PCDHA12: variants seen among roughly 807,000 people sequenced by gnomAD.
PCDHA12 encodes protocadherin alpha-12.
Under a neutral mutation model 60.0 loss-of-function variants are expected in PCDHA12, and 44 were observed. The observed-to-expected ratio is 0.73, with a 90% confidence interval of 0.58 to 0.94. The LOEUF is 0.94. Among genes scored for constraint, PCDHA12 ranks in the 40% least tolerant of loss-of-function variants. The pLI, the probability that PCDHA12 is intolerant of heterozygous loss-of-function variation, is 0.00. For missense variants in PCDHA12, 1,276 were observed against 1,239.7 expected, an observed-to-expected ratio of 1.03 and a Z score of -0.44; for synonymous variants, 569 against 553.0, an observed-to-expected ratio of 1.03 and a Z score of -0.40.
At chr5:140,884,066 G>C in intron 1 of PCDHA12, 3 of 1,613,514 alleles carry the variant, frequency 1.9e-6, no homozygotes, top group Non-Finnish European at 2.5e-6. Flanking sequence ...GGTGGACGCC[G>C]ATTCGGGCTA....
chr5:140,938,406 T>A (rs1283027205), intron 1 of PCDHA12, among the ~76,000 whole-genome samples: 1 of 152,240 alleles, frequency 6.6e-6, no homozygotes, highest in African/African-American at 2.4e-5. Context: ...ATTGTTTGAT[T>A]GGGTTTATTT....
intron 1 of PCDHA12, chr5:140,927,653 G>T: frequency 6.2e-7 from 1 of 1,614,190 alleles, no homozygotes; most frequent in Non-Finnish European, 8.5e-7. Context: ...GTGTTATTCC[G>T]AGTTCAAGCC....
chr5:140,932,088 T>G (rs2088018403), intron 1 of PCDHA12, among the ~76,000 whole-genome samples: 1 of 151,932 alleles, frequency 6.6e-6, no homozygotes, highest in Non-Finnish European at 1.5e-5. Context: ...CAGGAAAACA[T>G]GGTTTTTATC....
Position 140,877,708 on chromosome 5 carries a change from G to A in PCDHA12, c.2236G>A (p.Gly746Arg). 12 of 1,614,072 alleles carry A rather than the reference G, an allele frequency of 7.4e-6. No individual in the cohort carries two copies. The highest frequency in any genetic ancestry group is 1.0e-5 in the Non-Finnish European group (12 of 1,180,010). Reference protein sequence around the residue: ...KPTLVCSSAVGSWSYSQQRRQ... With the variant: ...KPTLVCSSAVRSWSYSQQRRQ... ...CACGCTGGTGTGCTCCAGCGCCGTG[G>A]GGAGTTGGTCTTACTCGCAGCAGAG... The change falls in exon 1 of 4, where the codon GGG becomes AGG. Residue 746 changes from glycine (G) to arginine (R), a missense_variant. Coordinates refer to ENST00000398631, the MANE Select transcript of PCDHA12 (RefSeq NM_018903.4).
chr5:140,919,821 T>C (rs944662452), intron 1 of PCDHA12, among the ~76,000 whole-genome samples: 1 of 152,230 alleles, frequency 6.6e-6, no homozygotes, highest in Non-Finnish European at 1.5e-5. Flanking sequence ...CAAAAATATA[T>C]GTCCACATAG....
At chr5:140,913,348 C>A (rs1233529642) in intron 1 of PCDHA12, among the ~76,000 whole-genome samples, 1 of 152,080 alleles carries the variant, frequency 6.6e-6, no homozygotes, top group East Asian at 1.9e-4. Context: ...TCCATTTCCT[C>A]TAGATTTTTA....
chr5:140,963,175 T>C (rs1408160891), intron 1 of PCDHA12, among the ~76,000 whole-genome samples: 1 of 152,046 alleles, frequency 6.6e-6, no homozygotes, highest in East Asian at 1.9e-4. Context: ...ATCTTACAGA[T>C]ATGCTGTAGA....
chr5:140,882,178 C>A (rs2058992068), intron 1 of PCDHA12: 1 of 1,517,822 alleles, frequency 6.6e-7, no homozygotes, highest in Non-Finnish European at 8.8e-7. Flanking sequence ...TCCTTCCGCA[C>A]TAGGAAGCCA....
intron 1 of PCDHA12, among the ~76,000 whole-genome samples, chr5:140,912,823 G>C (rs2076078264): frequency 6.6e-6 from 1 of 152,090 alleles, no homozygotes; most frequent in Non-Finnish European, 1.5e-5. Context: ...AAGGGATTTT[G>C]AATTTTATTA....
At chr5:140,977,307 G>C (rs1023836424) in intron 1 of PCDHA12, among the ~76,000 whole-genome samples, 1 of 152,186 alleles carries the variant, frequency 6.6e-6, no homozygotes, top group Admixed American at 6.5e-5. Flanking sequence ...ACAAGCTAAC[G>C]ATAGTGCTCC....
rs376697527 is a variant in PCDHA12, at chr5:140,912,219, T to G, written c.2367+34380T>G. ...CCCAGATTGAGGGTAGATCTGCCTT[T>G]CCCAGTCCACTGACTCAAATGTTAA... On this transcript the variant is annotated intron_variant, in intron 1 of 3. Transcript: ENST00000398631. 4.3e-4 allele frequency among the ~76,000 whole-genome samples: 66 copies of G among 152,026 alleles called. 1 individual carries two copies. In the South Asian group the frequency reaches 0.013, roughly 30 times the overall value.
At chr5:140,933,833 A>C (rs944428844) in intron 1 of PCDHA12, among the ~76,000 whole-genome samples, 1 of 151,928 alleles carries the variant, frequency 6.6e-6, no homozygotes, top group Non-Finnish European at 1.5e-5. Flanking sequence ...TATTGCTCCT[A>C]TTTCATTCCT....
intron 1 of PCDHA12, among the ~76,000 whole-genome samples, chr5:140,897,009 ATAC>A (rs2065839600): frequency 6.6e-6 from 1 of 152,174 alleles, no homozygotes. Flanking sequence ...ATTTTTAAAT[ATAC>A]AACTAAATTA....
intron 3 of PCDHA12, among the ~76,000 whole-genome samples, chr5:140,993,452 T>C (rs1218728585): frequency 1.5e-5 from 2 of 135,256 alleles, no homozygotes; most frequent in Non-Finnish European, 3.1e-5. Flanking sequence ...CTGTTCTCCT[T>C]CTTTCTTTCT....
chr5:140,949,260 T>A (rs1292112980), intron 1 of PCDHA12, among the ~76,000 whole-genome samples: 1 of 151,804 alleles, frequency 6.6e-6, no homozygotes, highest in African/African-American at 2.4e-5. Flanking sequence ...GATGAACATA[T>A]CACGTGCACT....
At chr5:140,963,443 T>C (rs1554226608) in intron 1 of PCDHA12, among the ~76,000 whole-genome samples, 1 of 152,248 alleles carries the variant, frequency 6.6e-6, no homozygotes, top group African/African-American at 2.4e-5. Flanking sequence ...TCATACTCTG[T>C]TGCTAAAGTA....
chr5:140,998,679 C>G (rs969303770), intron 3 of PCDHA12, among the ~76,000 whole-genome samples: 1 of 152,136 alleles, frequency 6.6e-6, no homozygotes, highest in Non-Finnish European at 1.5e-5. Flanking sequence ...ATTCTCCTGC[C>G]TCAGCCTCCC....
intron 1 of PCDHA12, chr5:140,967,572 A>T (rs782502082): frequency 4.3e-6 from 7 of 1,613,544 alleles, no homozygotes; most frequent in Middle Eastern, 3.3e-4. Flanking sequence ...CTACGGGAGG[A>T]CTCACCCCCA....
At chr5:141,003,517 T>C (rs538562882) in intron 3 of PCDHA12, among the ~76,000 whole-genome samples, 1 of 152,238 alleles carries the variant, frequency 6.6e-6, no homozygotes, top group East Asian at 1.9e-4. Context: ...TTCACCATGT[T>C]CCCTAGGCTG....
Sources: allele counts gnomAD v4.1 joint callset (sites outside exome capture counted in the v4.1 genomes callset), GRCh38; gene constraint gnomAD v4.1.1; transcripts MANE v1.5; gene names NCBI Gene and HGNC (gene_info 2026-07-23, HGNC 2026-07-21).